The following RAB4A variants were observed in gnomAD, a reference collection of about 807,000 sequenced individuals.
The protein encoded by RAB4A is RAB4A, member RAS oncogene family, also known as ras-related protein Rab-4A.
Under a neutral mutation model 34.5 loss-of-function variants are expected in RAB4A, and 20 were observed. That is an observed-to-expected ratio of 0.58 (90% CI 0.41 to 0.84). RAB4A has a LOEUF of 0.84. RAB4A is among the 40% of genes least tolerant of loss of function. The pLI, the probability that RAB4A is intolerant of heterozygous loss-of-function variation, is 0.00. For missense variants in RAB4A, 228 were observed against 274.5 expected (o/e 0.83, Z 1.20); for synonymous variants, 102 against 100.0 (o/e 1.02, Z -0.12).
chr1:229,302,329 T>C (rs171061), intron 6 of RAB4A, among the ~76,000 whole-genome samples: 12,531 of 89,606 alleles, frequency 0.14, 1,632 homozygotes, highest in African/African-American at 0.22. Flanking sequence ...TTTTTTTACA[T>C]GTGCATGAGT....
At position 229,304,104 on chromosome 1, in the gene RAB4A, A is replaced by G. The variant is rs1452612679; in HGVS notation, c.*311A>G. 1 of 152,208 alleles carries G rather than the reference A, an allele frequency of 6.6e-6. No homozygotes were observed. The highest frequency in any genetic ancestry group is 2.4e-5 in the African/African-American group (1 of 41,452). The allele number at this position is 152,208 out of a possible 1,614,324, so 9.4% of individuals were successfully genotyped here. A position where few individuals can be genotyped will look rare whatever the true frequency, so the allele number is the denominator to read the frequency against. On this transcript the variant is annotated 3_prime_UTR_variant, in exon 8 of 8. Transcript: ENST00000366690. Reference sequence around the variant, plus strand: ...GCCCAGTGCGGCTCCACAGCATGGAATCTGATGTATGATATGATAGAATGT... The same window carrying G: ...GCCCAGTGCGGCTCCACAGCATGGAGTCTGATGTATGATATGATAGAATGT...
rs377626891 is a variant in RAB4A, at chr1:229,272,927, G to A, written c.31+1557G>A. On this transcript the variant is annotated intron_variant, in intron 1 of 7. Transcript: ENST00000366690. ...AGTCGATGCCTTCATCAGGACAAGT[G>A]TTTGCAAATGTTTCTGCAAATGGCA... Among the ~76,000 whole-genome samples the A allele has an allele frequency of 9.2e-5, 14 of 152,324 alleles. No individual in the cohort carries two copies. The East Asian group carries it at 1.5e-3, about 17-fold the overall frequency.
intron 4 of RAB4A, 85 bp from the exon 5 acceptor site, chr1:229,297,397 A>G: frequency 2.2e-6 from 3 of 1,365,898 alleles, no homozygotes; most frequent in Non-Finnish European, 3.0e-6. Context: ...AATGTTGAAA[A>G]GCGGTATGAG....
chr1:229,300,810 G>A (rs183371599), intron 6 of RAB4A, among the ~76,000 whole-genome samples: 1 of 152,288 alleles, frequency 6.6e-6, no homozygotes, highest in Admixed American at 6.5e-5. Flanking sequence ...GAAGCAATGT[G>A]ATCGTCCGGA....
chr1:229,273,722 G>C (rs771945728), intron 1 of RAB4A, among the ~76,000 whole-genome samples: 9 of 152,222 alleles, frequency 5.9e-5, no homozygotes, highest in Non-Finnish European at 1.2e-4. Context: ...CTGGGCAACA[G>C]AGTGAGACTC....
intron 3 of RAB4A, among the ~76,000 whole-genome samples, chr1:229,295,144 GTCTC>G (rs1041007671): frequency 6.6e-6 from 1 of 151,930 alleles, no homozygotes; most frequent in South Asian, 2.1e-4. Context: ...TAGAGACAGG[GTCTC>G]TCTCTCTTAC....
chr1:229,299,581 T>C (rs1050707829), intron 6 of RAB4A, among the ~76,000 whole-genome samples: 1 of 152,236 alleles, frequency 6.6e-6, no homozygotes, highest in Non-Finnish European at 1.5e-5. Context: ...CATTTTTGTA[T>C]TTGCTTATTA....
At chr1:229,288,918 A>G (rs1265146824) in intron 3 of RAB4A, 75 bp downstream of exon 3, 3 of 890,430 alleles carry the variant, frequency 3.4e-6, no homozygotes, top group African/African-American at 3.4e-5. Flanking sequence ...CTCAATATAT[A>G]AGGTCTCACT....
rs1656784925 is a variant in RAB4A, at chr1:229,281,816, T to TCATATATATA, written c.32-4670_32-4669insCATATATATA. Among the ~76,000 whole-genome samples, 3 of 140,400 alleles carry TCATATATATA rather than the reference T, an allele frequency of 2.1e-5. 1 individual carries two copies. Among genetic ancestry groups the TCATATATATA allele is most frequent in the African/African-American group, 7.8e-5 (3 of 38,528 alleles). The allele number at this position is 140,400 out of a possible 152,430, so 92.1% of individuals were successfully genotyped here. On this transcript the variant is annotated intron_variant, in intron 1 of 7. Transcript: ENST00000366690. ...TTCATATATACATAACTTATCATAGTTATATATATATATATATATATATAT... is the reference window on the plus strand; with the variant it reads ...TTCATATATACATAACTTATCATAGTCATATATATATATATATATATATATATATATATAT...
chr1:229,295,942 G>A, intron 4 of RAB4A, 32 bp downstream of exon 4: 1 of 1,609,278 alleles, frequency 6.2e-7, no homozygotes, highest in Non-Finnish European at 8.5e-7. Flanking sequence ...GAAGGAGGGT[G>A]CTCAGTGCCC....
In RAB4A at chr1:229,302,959, T is replaced by C. The variant is rs1464907850; in HGVS notation, c.639T>C (p.Ala213=). The change falls in exon 7 of 8, where the codon GCT becomes GCC. Residue 213 remains alanine (A), a synonymous_variant. Transcript: ENST00000366690. The part of the protein sequence containing the change: ...RSPRRAQAPN[A]QECGC ...CGCGGCGCGCACAGGCCCCGAACGCTCAGGAGTGTGGTTGTTAGGAGAGCA... is the reference window on the plus strand; with the variant it reads ...CGCGGCGCGCACAGGCCCCGAACGCCCAGGAGTGTGGTTGTTAGGAGAGCA... 3 of 1,613,684 alleles carry C rather than the reference T, an allele frequency of 1.9e-6. No individual in the cohort carries two copies. The highest frequency in any genetic ancestry group is 2.5e-6 in the Non-Finnish European group (3 of 1,179,860).
intron 1 of RAB4A, among the ~76,000 whole-genome samples, chr1:229,272,713 G>C (rs144134425): frequency 5.3e-5 from 8 of 152,290 alleles, no homozygotes; most frequent in Non-Finnish European, 5.9e-5. Context: ...GCAGAGAGGA[G>C]AGGGTCTTGA....
At chr1:229,290,858 G>A (rs972025775) in intron 3 of RAB4A, among the ~76,000 whole-genome samples, 3 of 152,210 alleles carry the variant, frequency 2.0e-5, no homozygotes, top group African/African-American at 7.2e-5. Context: ...ATGACTATTA[G>A]GAGTTCCAGA....
rs542931213 is a variant in RAB4A, at chr1:229,286,238, A to G, written c.32-248A>G. On this transcript the variant is annotated intron_variant, in intron 1 of 7. Coordinates refer to ENST00000366690, the MANE Select transcript of RAB4A (RefSeq NM_004578.4). ...TTTATTCATTCCAAGAGTAGTTTTC[A>G]GACTTTAACCTTGCAAAGTAATTAT... Among the ~76,000 whole-genome samples the G allele has an allele frequency of 6.6e-5, 10 of 152,358 alleles. No homozygotes were observed. The East Asian group carries it at 1.7e-3, about 26-fold the overall frequency.
intron 3 of RAB4A, among the ~76,000 whole-genome samples, chr1:229,290,563 T>G (rs1657040585): frequency 1.3e-5 from 2 of 152,264 alleles, no homozygotes; most frequent in African/African-American, 4.8e-5. Context: ...GAGCTTCTTT[T>G]AGACTTTTTC....
At chr1:229,301,429 T>G (rs1198629316) in intron 6 of RAB4A, among the ~76,000 whole-genome samples, 1 of 151,628 alleles carries the variant, frequency 6.6e-6, no homozygotes, top group Non-Finnish European at 1.5e-5. Flanking sequence ...TTTTTTTTTA[T>G]CAGAAAGAAA....
chr1:229,304,862 T>G lies in RAB4A; in HGVS notation c.*1069T>G, dbSNP rs1442975288. On this transcript the variant is annotated 3_prime_UTR_variant, in exon 8 of 8. Transcript: ENST00000366690. ...TGTTTTTAATTCATATAAGGTATAT[T>G]GGGTATATTGAAGTATATATTGTAT... is the stretch of plus-strand genomic sequence containing the variant. The G allele has an allele frequency of 1.4e-5, 3 of 207,648 alleles. No homozygotes were observed. The highest frequency in any genetic ancestry group is 1.2e-4 in the Admixed American group (2 of 16,430). The allele number at this position is 207,648 out of a possible 1,614,324, so 12.9% of individuals were successfully genotyped here. A position where few individuals can be genotyped will look rare whatever the true frequency, so the allele number is the denominator to read the frequency against.
Position 229,271,215 on chromosome 1 carries a change from G to C in RAB4A, c.-125G>C. 9.9e-7 allele frequency: 1 copy of C among 1,005,278 alleles called. No individual in the cohort carries two copies. The highest frequency in any genetic ancestry group is 1.3e-6 in the Non-Finnish European group (1 of 781,712). 62.3% of individuals were successfully genotyped at this position (1,005,278 alleles called of 1,614,324 possible). ...AGCCGCTGGGAGACCGGCGGTTGCC[G>C]TGGGGACCGGTCGGGCCCCTCCCTC... On this transcript the variant is annotated 5_prime_UTR_variant, in exon 1 of 8. Transcript: ENST00000366690.
At chr1:229,292,391 C>T (rs1657113313) in intron 3 of RAB4A, among the ~76,000 whole-genome samples, 1 of 152,134 alleles carries the variant, frequency 6.6e-6, no homozygotes, top group Non-Finnish European at 1.5e-5. Context: ...TACAGCTTAT[C>T]TTGAAGAGAA....
Sources: gnomAD v4.1 joint callset for allele counts (sites outside exome capture counted in the v4.1 genomes callset) on GRCh38, gnomAD v4.1.1 for gene constraint, MANE v1.5 for transcripts, NCBI Gene and HGNC (gene_info 2026-07-23, HGNC 2026-07-21) for gene names.